The following DEAF1 variants were observed in gnomAD, a reference collection of about 807,000 sequenced individuals.
DEAF1 encodes DEAF1 transcription factor.
Under a neutral mutation model 58.9 loss-of-function variants are expected in DEAF1, and 53 were observed. The observed-to-expected ratio is 0.90, with a 90% CI of 0.72 to 1.13. DEAF1 has a LOEUF of 1.13. DEAF1 is among the 50% of genes most tolerant of loss of function. DEAF1 has a pLI of 0.00. For missense variants in DEAF1, 685 were observed against 791.4 expected (o/e 0.87, Z 1.61); for synonymous variants, 385 against 340.4 (o/e 1.13, Z -1.44).
chr11:669,293 A>G lies in DEAF1; in HGVS notation c.1503+5243T>C, dbSNP rs567738623. Among the ~76,000 whole-genome samples, 268 of 152,266 alleles carry G rather than the reference A, an allele frequency of 1.8e-3. 2 individuals carry two copies. The highest frequency in any genetic ancestry group is 6.2e-3 in the African/African-American group (256 of 41,546). On this transcript the variant is annotated intron_variant, in intron 10 of 11. Transcript: ENST00000382409. ...AATTTAAAAGAACTGAAATCAGAGTATATTTTCTAAGCATATTGGAGTTGA... is the reference window on the plus strand; with the variant it reads ...AATTTAAAAGAACTGAAATCAGAGTGTATTTTCTAAGCATATTGGAGTTGA...
At chr11:664,129 C>T (rs959017739) in intron 10 of DEAF1, among the ~76,000 whole-genome samples, 3 of 152,036 alleles carry the variant, frequency 2.0e-5, no homozygotes, top group African/African-American at 4.8e-5. Flanking sequence ...AGAAGAATCC[C>T]TTGAACCCAG....
chr11:688,385 C>CAT lies in DEAF1; in HGVS notation c.461_462dup (p.Gly155MetfsTer10). 1 of 1,613,912 alleles carries CAT rather than the reference C, an allele frequency of 6.2e-7. No individual in the cohort carries two copies. Among genetic ancestry groups the CAT allele is most frequent in the Non-Finnish European group, 8.5e-7 (1 of 1,180,036 alleles). On this transcript the variant is annotated frameshift_variant, in exon 3 of 12. Coordinates refer to ENST00000382409, the MANE Select transcript of DEAF1 (RefSeq NM_021008.4). LOFTEE classifies it high-confidence loss of function. This position sits in a 1 kb window ranked among gnomAD's most constrained non-coding sequence, Gnocchi z 4.3. ...AGCCCGGTGGTCTCCACGATGCTCC[C>CAT]ATCTGTGTGGACGACAATCAGTGTC...
intron 2 of DEAF1, 21 bp downstream of exon 2, chr11:691,480 G>C (rs1445983664): frequency 6.2e-7 from 1 of 1,608,552 alleles, no homozygotes; most frequent in East Asian, 2.2e-5. Context: ...GCCCTGGGCT[G>C]TGCCCCTCGG....
At position 679,687 on chromosome 11, in the gene DEAF1, C is replaced by T; in HGVS notation, c.1126+1G>A. On this transcript the variant is annotated splice_donor_variant, in intron 8 of 11. Transcript: ENST00000382409. LOFTEE classifies it high-confidence loss of function. Reference sequence around the variant, plus strand: ...GTCAGGCAGGCACTGGAGCAGCTCACCTGTGGCCCCTGCGAAGACGTCGCC... The same window carrying T: ...GTCAGGCAGGCACTGGAGCAGCTCATCTGTGGCCCCTGCGAAGACGTCGCC... 1 of 1,611,792 alleles carries T rather than the reference C, an allele frequency of 6.2e-7. No individual in the cohort carries two copies. The highest frequency in any genetic ancestry group is 8.5e-7 in the Non-Finnish European group (1 of 1,180,032).
intron 5 of DEAF1, 96 bp downstream of exon 5, chr11:686,762 T>C (rs1860610304): frequency 6.4e-7 from 1 of 1,552,794 alleles, no homozygotes; most frequent in Non-Finnish European, 8.8e-7. Flanking sequence ...CCCATTTGTC[T>C]GACCCCGTGG....
At position 656,384 on chromosome 11, in the gene DEAF1, C is replaced by A. The variant is rs533346584; in HGVS notation, c.1504-2333G>T. Reference sequence around the variant, plus strand: ...TTGGCCAGGCTGGTCTCGGAAACTCCTGACCTCAGGTGATCCGCCTGCCTT... The same window carrying A: ...TTGGCCAGGCTGGTCTCGGAAACTCATGACCTCAGGTGATCCGCCTGCCTT... On this transcript the variant is annotated intron_variant, in intron 10 of 11. Coordinates refer to ENST00000382409, the MANE Select transcript of DEAF1 (RefSeq NM_021008.4). 4.1e-4 allele frequency among the ~76,000 whole-genome samples: 62 copies of A among 152,322 alleles called. 1 individual carries two copies. Among genetic ancestry groups the A allele is most frequent in the Non-Finnish European group, 6.2e-4 (42 of 68,032 alleles).
upstream of DEAF1, chr11:699,245 G>C (rs559882161): frequency 3.1e-6 from 1 of 327,122 alleles, no homozygotes; most frequent in African/African-American, 2.1e-5. Context: ...TTTTTTTAAG[G>C]ACAGAGCCTT....
At chr11:678,416 A>C (rs933811884) in intron 9 of DEAF1, 2 of 404,994 alleles carry the variant, frequency 4.9e-6, no homozygotes, top group Non-Finnish European at 9.3e-6. Context: ...ACCAGAAAGA[A>C]CTTCAGGCTT....
upstream of DEAF1, chr11:699,098 C>G (rs1490965999): frequency 1.7e-6 from 1 of 601,240 alleles, no homozygotes; most frequent in African/African-American, 1.8e-5. Context: ...CAGCCCTGCA[C>G]AAAGTGGCTA....
chr11:691,690 C>T, intron 1 of DEAF1, 92 bp from the exon 2 acceptor site: 5 of 1,071,986 alleles, frequency 4.7e-6, no homozygotes, highest in Admixed American at 2.0e-5. Context: ...AAAGTGACTC[C>T]CCCTCAGGTG....
At chr11:704,092 G>A (rs181408130) in intron 1 of DEAF1, 27 of 1,098,500 alleles carry the variant, frequency 2.5e-5, no homozygotes, top group Admixed American at 4.7e-5. Context: ...TCTCTTCACC[G>A]CATTTTGTAA....
At chr11:659,998 T>C (rs1040975097) in intron 10 of DEAF1, among the ~76,000 whole-genome samples, 1 of 152,210 alleles carries the variant, frequency 6.6e-6, no homozygotes, top group African/African-American at 2.4e-5. Context: ...CCCAAGGGGC[T>C]GCTGCTGTGC....
intron 10 of DEAF1, among the ~76,000 whole-genome samples, chr11:660,803 T>C (rs1280166262): frequency 6.6e-6 from 1 of 152,198 alleles, no homozygotes; most frequent in African/African-American, 2.4e-5. Flanking sequence ...AAAGCCTTCA[T>C]TTACAGAAAC....
At position 704,536 on chromosome 11, in the gene DEAF1, G is replaced by A. The variant is rs140750324; in HGVS notation, c.-438+2036C>T. On this transcript the variant is annotated intron_variant, in intron 1 of 11. Coordinates refer to the DEAF1 transcript ENST00000683307. ...ACCTCCCTCACCAGCGCCTGCACTC[G>A]CAGAAGACCAGCTGGGCACACCTGC... 246 of 1,289,398 alleles carry A rather than the reference G, an allele frequency of 1.9e-4. 2 individuals are homozygous for A. In the East Asian group the frequency reaches 4.3e-3, roughly 22 times the overall value. 79.9% of individuals were successfully genotyped at this position (1,289,398 alleles called of 1,614,324 possible). A position where few individuals can be genotyped will look rare whatever the true frequency, so the allele number is the denominator to read the frequency against.
chr11:657,688 G>T (rs988315341), intron 10 of DEAF1, among the ~76,000 whole-genome samples: 1 of 152,118 alleles, frequency 6.6e-6, no homozygotes, highest in Non-Finnish European at 1.5e-5. Context: ...TGTCAGGGAC[G>T]CCACAGTGGG....
Position 694,693 on chromosome 11 carries a change from C to T in DEAF1, c.289+66G>A, listed in dbSNP as rs1000796859. 17 of 1,262,648 alleles carry T rather than the reference C, an allele frequency of 1.3e-5. No individual in the cohort carries two copies. The African/African-American group carries it at 2.4e-4, about 18-fold the overall frequency. The allele number at this position is 1,262,648 out of a possible 1,614,324, so 78.2% of individuals were successfully genotyped here. ...GGGCTGGTCACCTGGGACAGTTGTG[C>T]GGGGCAGGCGCGCGGGGTAGGCGCG... On this transcript the variant is annotated intron_variant, in intron 1 of 11. Coordinates refer to ENST00000382409, the MANE Select transcript of DEAF1 (RefSeq NM_021008.4).
At chr11:685,883 G>A (rs373676549) in intron 5 of DEAF1, among the ~76,000 whole-genome samples, 112 of 150,802 alleles carry the variant, frequency 7.4e-4, no homozygotes, top group African/African-American at 2.5e-3. Context: ...TGTGGCTCAC[G>A]CCTGTAATCC....
intron 2 of DEAF1, among the ~76,000 whole-genome samples, chr11:690,732 C>A (rs1374080778): frequency 6.6e-6 from 1 of 152,172 alleles, no homozygotes; most frequent in Non-Finnish European, 1.5e-5. Flanking sequence ...GGTGACAGAG[C>A]AAGACCCCGT....
chr11:691,029 T>C (rs11246265), intron 2 of DEAF1, among the ~76,000 whole-genome samples: 43,263 of 152,264 alleles, frequency 0.28, 6,406 homozygotes, highest in Non-Finnish European at 0.32. Flanking sequence ...CAGACACTAT[T>C]TGAAATGCAA....
Sources: gnomAD v4.1 joint callset for allele counts (sites outside exome capture counted in the v4.1 genomes callset) on GRCh38, gnomAD v4.1.1 for gene constraint, Gnocchi (gnomAD v3.1) non-coding constraint, MANE v1.5 for transcripts, NCBI Gene and HGNC (gene_info 2026-07-23, HGNC 2026-07-21) for gene names.